Variants in FCRL1 observed in about 807,000 individuals in gnomAD.
FCRL1 encodes the protein Fc receptor-like protein 1.
In FCRL1, 34 loss-of-function variants were observed where a neutral mutation model predicts 49.2. That is an observed-to-expected ratio of 0.69 (90% CI 0.53 to 0.92). FCRL1 has a LOEUF of 0.92. Ranked by LOEUF, FCRL1 falls within the 40% of genes least tolerant of loss-of-function variation. The probability of loss-of-function intolerance (pLI) is 0.00; values close to 1 mark genes in which losing one functional copy is unlikely to be tolerated. For synonymous variants in FCRL1, 218 were observed against 201.6 expected (o/e 1.08, Z -0.69); for missense variants, 524 against 524.1 (o/e 1.00, Z 0.00).
intron 1 of FCRL1, among the ~76,000 whole-genome samples, chr1:157,814,851 G>A (rs115021852): frequency 1.3e-5 from 2 of 151,826 alleles, no homozygotes; most frequent in African/African-American, 2.4e-5. Flanking sequence ...ACTATAAAAA[G>A]ACACAAAGAA....
intron 1 of FCRL1, among the ~76,000 whole-genome samples, chr1:157,812,902 C>A (rs577209847): frequency 1.3e-5 from 2 of 152,282 alleles, no homozygotes; most frequent in South Asian, 2.1e-4. Context: ...AAGCTCTTGC[C>A]ACTGAGAACT....
chr1:157,817,966 T>A (rs1012168409), intron 1 of FCRL1, among the ~76,000 whole-genome samples: 3 of 152,034 alleles, frequency 2.0e-5, no homozygotes, highest in Admixed American at 6.6e-5. Flanking sequence ...TATTACCCCA[T>A]ACCTATGAAA....
intron 1 of FCRL1, among the ~76,000 whole-genome samples, chr1:157,817,320 A>G (rs188783867): frequency 3.1e-4 from 47 of 152,254 alleles, no homozygotes; most frequent in Middle Eastern, 3.4e-3. Context: ...TACAGGCACA[A>G]AAACAGACAC....
At chr1:157,815,177 C>G (rs1043219579) in intron 1 of FCRL1, among the ~76,000 whole-genome samples, 3 of 151,892 alleles carry the variant, frequency 2.0e-5, no homozygotes, top group African/African-American at 7.2e-5. Flanking sequence ...GCACATGGAA[C>G]ATTCTCAAGG....
intron 1 of FCRL1, among the ~76,000 whole-genome samples, chr1:157,809,392 T>TA (rs899346904): frequency 2.6e-5 from 4 of 151,662 alleles, no homozygotes; most frequent in Admixed American, 6.6e-5. Context: ...TTAATTAATT[T>TA]AAAAAAAAAC....
intron 1 of FCRL1, among the ~76,000 whole-genome samples, chr1:157,816,001 C>T (rs1654970825): frequency 6.6e-6 from 1 of 151,878 alleles, no homozygotes; most frequent in African/African-American, 2.4e-5. Flanking sequence ...CTGATGGCTT[C>T]ATTGCTGAAT....
chr1:157,800,991 A>G (rs1652357487), intron 6 of FCRL1, among the ~76,000 whole-genome samples: 1 of 152,120 alleles, frequency 6.6e-6, no homozygotes, highest in Non-Finnish European at 1.5e-5. Context: ...TCCCTGGTTC[A>G]AGTGATTCTC....
At chr1:157,817,498 T>C (rs1655205226) in intron 1 of FCRL1, among the ~76,000 whole-genome samples, 1 of 152,060 alleles carries the variant, frequency 6.6e-6, no homozygotes, top group South Asian at 2.1e-4. Flanking sequence ...AATTAGATTC[T>C]TATCTCTCAC....
rs1247511363 is a variant in FCRL1 at position 157,802,795 on chromosome 1, G to A, written c.320-131C>T. 4.5e-6 allele frequency: 4 copies of A among 882,406 alleles called. No individual in the cohort carries two copies. In the African/African-American group the frequency reaches 5.1e-5, roughly 11 times the overall value. The allele number at this position is 882,406 out of a possible 1,614,324, so 54.7% of individuals were successfully genotyped here. A position where few individuals can be genotyped will look rare whatever the true frequency, so the allele number is the denominator to read the frequency against. On this transcript the variant is annotated intron_variant, in intron 3 of 10. Transcript: ENST00000368176. ...GATGTATATAGCTTAATTTGGGTGA[G>A]GTGGGGAGGGGTCTGCTGATTGGTT...
intron 6 of FCRL1, among the ~76,000 whole-genome samples, chr1:157,801,022 G>T (rs1454657778): frequency 6.6e-6 from 1 of 152,044 alleles, no homozygotes. Flanking sequence ...CTCCCAAGTA[G>T]CTGGGATTAC....
Position 157,820,038 on chromosome 1 carries a change from G to T in FCRL1, c.-1C>A, listed in dbSNP as rs754146836. The T allele has an allele frequency of 1.1e-5, 17 of 1,614,026 alleles. No individual in the cohort carries two copies. The highest frequency in any genetic ancestry group is 1.4e-5 in the Non-Finnish European group (17 of 1,180,024). On this transcript the variant is annotated 5_prime_UTR_variant, in exon 1 of 11. Coordinates refer to ENST00000368176, the MANE Select transcript of FCRL1 (RefSeq NM_052938.5). The stretch of plus-strand genomic sequence containing the variant: ...TCAACAGCAACAGCCTCGGCAGCAT[G>T]AGGACCAGGTCAGGGATGGTACCTA...
intron 10 of FCRL1, 95 bp from the exon 11 acceptor site, chr1:157,796,265 G>A: frequency 2.1e-6 from 2 of 972,360 alleles, no homozygotes; most frequent in Admixed American, 1.9e-5. Flanking sequence ...TCTTATCATG[G>A]CACATCACGC....
At chr1:157,814,863 G>A (rs868610870) in intron 1 of FCRL1, among the ~76,000 whole-genome samples, 1 of 151,790 alleles carries the variant, frequency 6.6e-6, no homozygotes, top group East Asian at 1.9e-4. Flanking sequence ...CACAAAGAAG[G>A]CCATTGTATA....
rs1389652485 is a variant in FCRL1, at chr1:157,794,549, G to C, written c.*1550C>G. On this transcript the variant is annotated 3_prime_UTR_variant, in exon 11 of 11. Transcript: ENST00000368176. ...AGAGACATTGAAGACTATTTAACAAGAATATTTAATATGCATAATCTAGCA... is the reference window on the plus strand; with the variant it reads ...AGAGACATTGAAGACTATTTAACAACAATATTTAATATGCATAATCTAGCA... The C allele has an allele frequency of 6.6e-6, 1 of 152,132 alleles. No individual in the cohort carries two copies. The highest frequency in any genetic ancestry group is 1.9e-4 in the East Asian group (1 of 5,204). 9.4% of individuals were successfully genotyped at this position (152,132 alleles called of 1,614,324 possible).
chr1:157,797,832 AAAAGTCAGAGAC>A, intron 9 of FCRL1, 24 bp downstream of exon 9: 2 of 1,614,066 alleles, frequency 1.2e-6, no homozygotes, highest in Non-Finnish European at 1.7e-6. Context: ...TGGGAAAGAC[AAAAGTCAGAGAC>A]AAATTTACTC....
intron 1 of FCRL1, among the ~76,000 whole-genome samples, chr1:157,808,805 A>G (rs1252602417): frequency 2.0e-5 from 3 of 152,252 alleles, no homozygotes; most frequent in Non-Finnish European, 2.9e-5. Context: ...GTCAGACTTT[A>G]GTATAAATTC....
At chr1:157,819,892 C>T (rs1655555547) in intron 1 of FCRL1, 115 bp downstream of exon 1, 4 of 1,201,114 alleles carry the variant, frequency 3.3e-6, no homozygotes, top group Non-Finnish European at 4.9e-6. Flanking sequence ...GAGATCTGAG[C>T]ACCCCTGAGC....
At chr1:157,798,847 A>G (rs1406281586) in intron 7 of FCRL1, among the ~76,000 whole-genome samples, 1 of 152,196 alleles carries the variant, frequency 6.6e-6, no homozygotes, top group Non-Finnish European at 1.5e-5. Context: ...AGAAATGTAC[A>G]TGTATCTTAC....
At chr1:157,808,408 C>G (rs1536253) in intron 1 of FCRL1, among the ~76,000 whole-genome samples, 1 of 152,148 alleles carries the variant, frequency 6.6e-6, no homozygotes, top group African/African-American at 2.4e-5. Flanking sequence ...AGGAAACAAG[C>G]CTTCTGAATA....
Sources: gnomAD v4.1 joint callset for allele counts (sites outside exome capture counted in the v4.1 genomes callset) on GRCh38, gnomAD v4.1.1 for gene constraint, MANE v1.5 for transcripts, NCBI Gene and HGNC (gene_info 2026-07-23, HGNC 2026-07-21) for gene names.